The following RASA2 variants were observed in gnomAD, a reference collection of about 807,000 sequenced individuals.
RASA2 encodes the protein RAS p21 protein activator 2, also known as ras GTPase-activating protein 2.
A neutral mutation model predicts 118.2 loss-of-function variants in RASA2; 155 were observed. The ratio of observed to expected loss-of-function variants is 1.31; its 90% confidence interval spans 1.15 to 1.50. The LOEUF (loss-of-function observed/expected upper bound fraction) is 1.50. Ranked by LOEUF, RASA2 falls within the 40% of genes most tolerant of loss-of-function variation. The pLI is 0.00. For missense variants in RASA2, 1,016 were observed against 1,009.6 expected (o/e 1.01, Z -0.09); for synonymous variants, 353 against 349.1 (o/e 1.01, Z -0.12).
In RASA2 at chr3:141,581,209, T is replaced by C. The variant is rs760920433; in HGVS notation, c.1752+32T>C. The stretch of plus-strand genomic sequence containing the variant: ...TGGTTTTATTCTGGAATTGTTAATA[T>C]TTATTTCATATAACATGGGGAAATA... On this transcript the variant is annotated intron_variant, in intron 17 of 23. Transcript: ENST00000286364. 10 of 1,360,054 alleles carry C rather than the reference T, an allele frequency of 7.4e-6. No homozygotes were observed. In the South Asian group the frequency reaches 1.5e-4, roughly 20 times the overall value. 84.2% of individuals were successfully genotyped at this position (1,360,054 alleles called of 1,614,324 possible).
intron 5 of RASA2, among the ~76,000 whole-genome samples, chr3:141,544,529 T>C (rs1434459500): frequency 6.6e-6 from 1 of 152,244 alleles, no homozygotes; most frequent in Non-Finnish European, 1.5e-5. Flanking sequence ...CTTTCCTCTG[T>C]CTTCTTCATT....
At position 141,529,694 on chromosome 3, in the gene RASA2, C is replaced by CTTATT. The variant is rs750537034; in HGVS notation, c.356-11_356-7dup. On this transcript the variant is annotated splice_polypyrimidine_tract_variant and intron_variant, in intron 3 of 23. Coordinates refer to ENST00000286364, the MANE Select transcript of RASA2 (RefSeq NM_006506.5). ...AAGCATGTTTTCTTATATTGTTTTA[C>CTTATT]TTATTTTCTGTAGGAAAAGTAGCCA... 6.3e-7 allele frequency: 1 copy of CTTATT among 1,576,164 alleles called. No individual in the cohort carries two copies. Among genetic ancestry groups the CTTATT allele is most frequent in the Non-Finnish European group, 8.7e-7 (1 of 1,147,012 alleles).
intron 19 of RASA2, among the ~76,000 whole-genome samples, chr3:141,588,252 A>G (rs1406462857): frequency 6.6e-6 from 1 of 152,236 alleles, no homozygotes; most frequent in East Asian, 1.9e-4. Flanking sequence ...CAAATAAGTA[A>G]TAAACCTCTT....
intron 19 of RASA2, among the ~76,000 whole-genome samples, chr3:141,598,959 A>C (rs1009036598): frequency 1.3e-5 from 2 of 151,998 alleles, no homozygotes; most frequent in African/African-American, 4.8e-5. Context: ...GTCGTGGTGC[A>C]TGCCTGTAAT....
chr3:141,607,874 T>C, intron 20 of RASA2, 114 bp downstream of exon 20: 3 of 1,194,934 alleles, frequency 2.5e-6, no homozygotes, highest in Non-Finnish European at 2.2e-6. Context: ...TACTTAGATA[T>C]TTGTATTCAA....
chr3:141,567,274 G>T (rs906204951), intron 9 of RASA2, among the ~76,000 whole-genome samples: 1 of 151,948 alleles, frequency 6.6e-6, no homozygotes, highest in Non-Finnish European at 1.5e-5. Context: ...AAATTAGCCC[G>T]GTGTGGTGGC....
In RASA2 at chr3:141,606,888, T is replaced by G. The variant is rs144501909; in HGVS notation, c.1934-790T>G. ...GGGTGAAATAAAAGCAAAGCTTTGA[T>G]TTTTCTAAGAACAATATTACAAAAT... On this transcript the variant is annotated intron_variant, in intron 19 of 23. Coordinates refer to ENST00000286364, the MANE Select transcript of RASA2 (RefSeq NM_006506.5). Among the ~76,000 whole-genome samples the G allele has an allele frequency of 3.1e-3, 471 of 152,308 alleles. 3 individuals are homozygous for G. The highest frequency in any genetic ancestry group is 0.017 in the Admixed American group (256 of 15,294).
At chr3:141,610,664 T>A (rs1306887745) in intron 23 of RASA2, among the ~76,000 whole-genome samples, 1 of 150,876 alleles carries the variant, frequency 6.6e-6, no homozygotes, top group African/African-American at 2.4e-5. Flanking sequence ...CTATTTGTTT[T>A]ATTTTTTGTA....
At chr3:141,555,016 C>T (rs1401907739) in intron 6 of RASA2, among the ~76,000 whole-genome samples, 2 of 152,076 alleles carry the variant, frequency 1.3e-5, no homozygotes, top group African/African-American at 2.4e-5. Context: ...AATCCCAGCA[C>T]TTTGGGAGGC....
chr3:141,567,682 A>C (rs994763609), intron 9 of RASA2, among the ~76,000 whole-genome samples: 3 of 152,236 alleles, frequency 2.0e-5, no homozygotes, highest in Non-Finnish European at 4.4e-5. Context: ...TAGCAAGTGT[A>C]TACCATAGAG....
At chr3:141,539,456 C>T (rs1440307795) in intron 4 of RASA2, among the ~76,000 whole-genome samples, 1 of 152,136 alleles carries the variant, frequency 6.6e-6, no homozygotes, top group African/African-American at 2.4e-5. Flanking sequence ...ACCTCAGATT[C>T]ATTCTTGTAT....
At chr3:141,540,732 C>A in intron 5 of RASA2, 123 bp downstream of exon 5, 1 of 753,760 alleles carries the variant, frequency 1.3e-6, no homozygotes, top group Non-Finnish European at 2.2e-6. Flanking sequence ...TCTGCTATGT[C>A]ATTCCTTTTG....
At chr3:141,591,037 A>T (rs1476741388) in intron 19 of RASA2, among the ~76,000 whole-genome samples, 1 of 152,196 alleles carries the variant, frequency 6.6e-6, no homozygotes, top group Non-Finnish European at 1.5e-5. Flanking sequence ...CTGTGTACTT[A>T]CAATTATGAT....
chr3:141,516,130 A>G (rs1389761026), intron 2 of RASA2, among the ~76,000 whole-genome samples, 198 bp from the exon 3 acceptor site: 1 of 151,430 alleles, frequency 6.6e-6, no homozygotes. Flanking sequence ...CAGCACACCA[A>G]CATGGCACAT....
chr3:141,612,010 TCTTATTAATTTTATTTACC>T (rs2083660352), intron 23 of RASA2, among the ~76,000 whole-genome samples: 1 of 152,196 alleles, frequency 6.6e-6, no homozygotes, highest in South Asian at 2.1e-4. Context: ...ATACTAAATA[TCTTATTAATTTTATTTACC>T]CTATACCAGA....
chr3:141,572,634 A>C lies in RASA2; in HGVS notation c.1195A>C (p.Asn399His), dbSNP rs925393189. 6.2e-7 allele frequency: 1 copy of C among 1,613,526 alleles called. No homozygotes were observed. The highest frequency in any genetic ancestry group is 8.5e-7 in the Non-Finnish European group (1 of 1,179,644). The change falls in exon 12 of 24, where the codon AAT becomes CAT. Residue 399 changes from asparagine (N) to histidine (H), a missense_variant. By Grantham distance (68) the Asn-to-His change is moderately conservative. This residue lies in a region of RASA2 where 896 missense variants were observed against 836.4 expected (regional missense o/e 1.07). Transcript: ENST00000286364. ...AGATGCAAACACAATTTTTAGAGGA[A>C]ATTCCCTGGCTACCCGATGTCTGGA... ...TQDANTIFRGNSLATRCLDEM... is the reference protein window; with the variant it reads ...TQDANTIFRGHSLATRCLDEM...
At chr3:141,507,411 G>C (rs969683292) in intron 1 of RASA2, among the ~76,000 whole-genome samples, 80 of 152,298 alleles carry the variant, frequency 5.3e-4, no homozygotes, top group African/African-American at 1.8e-3. Flanking sequence ...ACAGACTCTA[G>C]ATCTAGAAAA....
chr3:141,492,729 G>C (rs114470700), intron 1 of RASA2, among the ~76,000 whole-genome samples: 124 of 152,282 alleles, frequency 8.1e-4, no homozygotes, highest in African/African-American at 2.9e-3. Flanking sequence ...AATGTATTTA[G>C]TACACTTGTT....
chr3:141,590,176 C>G (rs1188852048), intron 19 of RASA2: 1 of 456,262 alleles, frequency 2.2e-6, no homozygotes, highest in African/African-American at 2.0e-5. Context: ...TTGGGGCTAC[C>G]ATTGATAATA....
Sources: gnomAD v4.1 joint callset for allele counts (sites outside exome capture counted in the v4.1 genomes callset) on GRCh38, gnomAD v4.1.1 for gene constraint, gnomAD v4.1.1 regional missense constraint, MANE v1.5 for transcripts, NCBI Gene and HGNC (gene_info 2026-07-23, HGNC 2026-07-21) for gene names.